The following EPS15 variants were observed in gnomAD, a reference collection of about 807,000 sequenced individuals.
EPS15 encodes epidermal growth factor receptor pathway substrate 15.
A neutral mutation model predicts 113.8 loss-of-function variants in EPS15; 72 were observed. The observed-to-expected ratio is 0.63, with a 90% CI of 0.52 to 0.77. The LOEUF (loss-of-function observed/expected upper bound fraction) is 0.77. Among genes scored for constraint, EPS15 ranks in the 30% least tolerant of loss-of-function variants. EPS15 has a pLI of 0.00. For synonymous variants in EPS15, 344 were observed against 363.4 expected, an observed-to-expected ratio of 0.95 and a Z score of 0.61; for missense variants, 1,048 against 1,045.8, an observed-to-expected ratio of 1.00 and a Z score of -0.03.
In EPS15 at chr1:51,429,347, CAA is replaced by C. The variant is rs531509808; in HGVS notation, c.1041-7491_1041-7490del. Among the ~76,000 whole-genome samples, 1,241 of 141,222 alleles carry C rather than the reference CAA, an allele frequency of 8.8e-3. 12 individuals are homozygous for C. Among genetic ancestry groups the C allele is most frequent in the African/African-American group, 0.031 (1,196 of 38,716 alleles). 92.6% of individuals were successfully genotyped at this position (141,222 alleles called of 152,430 possible). On this transcript the variant is annotated intron_variant, in intron 12 of 24. Coordinates refer to ENST00000371733, the MANE Select transcript of EPS15 (RefSeq NM_001981.3). ...ACAACAAAAGAGTGAAACTCTGTCT[CAA>C]AAAAAAAAAATTACCACTTTAAAAT...
intron 5 of EPS15, among the ~76,000 whole-genome samples, chr1:51,467,192 T>G (rs1020298839): frequency 5.9e-5 from 9 of 152,222 alleles, no homozygotes; most frequent in African/African-American, 2.2e-4. Flanking sequence ...CTAGCCAAAG[T>G]GTACAGAAAC....
chr1:51,490,059 G>A (rs1256091853), intron 1 of EPS15, among the ~76,000 whole-genome samples: 1 of 152,112 alleles, frequency 6.6e-6, no homozygotes, highest in East Asian at 1.9e-4. Flanking sequence ...AGTGTATCAA[G>A]TAGTAATAAA....
At position 51,468,538 on chromosome 1, in the gene EPS15, A is replaced by G. The variant is rs1655013992; in HGVS notation, c.244T>C (p.Cys82Arg). 2 of 1,613,682 alleles carry G rather than the reference A, an allele frequency of 1.2e-6. No individual in the cohort carries two copies. Among genetic ancestry groups the G allele is most frequent in the South Asian group, 1.1e-5 (1 of 91,020 alleles). Residue 82 changes from cysteine (C) to arginine (R), a missense_variant, in exon 5 of 25, where the codon TGT becomes CGT. Transcript: ENST00000371733. ...EFFVALRLVA[C>R]AQNGLEVSLS... ...GAAACTTCCAATCCATTCTGGGCAC[A>G]TGCCACAAGACGCAAAGCAACAAAG...
rs939553669 is a variant in EPS15 at position 51,421,662 on chromosome 1, A to G, written c.1113+124T>C. ...CATCTTGGAAAAGATAAACATTTAT[A>G]TAATATAAACATTAGGCATTCTCTT... On this transcript the variant is annotated intron_variant, in intron 13 of 24. Transcript: ENST00000371733. 2.3e-5 allele frequency: 11 copies of G among 477,560 alleles called. 1 individual carries two copies. In the Middle Eastern group the frequency reaches 1.3e-3, roughly 58 times the overall value. The allele number at this position is 477,560 out of a possible 1,614,324, so 29.6% of individuals were successfully genotyped here.
At chr1:51,399,009 C>T (rs764405189) in intron 20 of EPS15, 23 bp downstream of exon 20, 28 of 1,601,420 alleles carry the variant, frequency 1.7e-5, no homozygotes, top group Middle Eastern at 1.7e-4. Flanking sequence ...TTTAACTTAA[C>T]AGTTTTTAAT....
At chr1:51,457,105 G>A (rs1175578062) in intron 8 of EPS15, among the ~76,000 whole-genome samples, 3 of 152,028 alleles carry the variant, frequency 2.0e-5, no homozygotes, top group East Asian at 1.9e-4. Flanking sequence ...CAAACACAGT[G>A]AAACCCCGTC....
In EPS15 at chr1:51,500,437, G is replaced by A. The variant is rs138288755; in HGVS notation, c.33+18762C>T. ...TCTCATCAGTAGTACATTTCTCCAC[G>A]TCTTCATCAATATTTGCTAGTTACT... On this transcript the variant is annotated intron_variant, in intron 1 of 24. Coordinates refer to ENST00000371733, the MANE Select transcript of EPS15 (RefSeq NM_001981.3). Among the ~76,000 whole-genome samples the A allele has an allele frequency of 7.0e-3, 1,059 of 152,210 alleles. 7 individuals are homozygous for A. The highest frequency in any genetic ancestry group is 0.024 in the African/African-American group (1,014 of 41,518).
intron 8 of EPS15, among the ~76,000 whole-genome samples, chr1:51,454,040 A>C (rs1202507595): frequency 1.6e-5 from 2 of 128,282 alleles, no homozygotes; most frequent in Non-Finnish European, 3.3e-5. Flanking sequence ...ACAGAGTGAG[A>C]CTTTGTTTCA....
chr1:51,374,868 T>TA (rs1285697024), intron 21 of EPS15, among the ~76,000 whole-genome samples: 2 of 151,894 alleles, frequency 1.3e-5, no homozygotes, highest in African/African-American at 4.8e-5. Context: ...CATGCCCAGC[T>TA]AATTTTTGAA....
At chr1:51,483,582 C>T (rs1212394102) in intron 1 of EPS15, among the ~76,000 whole-genome samples, 3 of 151,490 alleles carry the variant, frequency 2.0e-5, no homozygotes, top group Non-Finnish European at 2.9e-5. Flanking sequence ...CCAAGGTGGG[C>T]GGATCACGAG....
intron 11 of EPS15, among the ~76,000 whole-genome samples, chr1:51,442,931 C>A (rs1254848260): frequency 1.3e-5 from 2 of 151,420 alleles, no homozygotes; most frequent in African/African-American, 4.9e-5. Flanking sequence ...AAGCAACATT[C>A]AAAAAAGGAT....
At chr1:51,512,946 T>G (rs1644651613) in intron 1 of EPS15, among the ~76,000 whole-genome samples, 1 of 149,780 alleles carries the variant, frequency 6.7e-6, no homozygotes, top group Non-Finnish European at 1.5e-5. Flanking sequence ...TAATCATAGC[T>G]CACCTGTAGC....
chr1:51,468,262 T>C (rs187977625), intron 5 of EPS15, among the ~76,000 whole-genome samples: 34 of 152,178 alleles, frequency 2.2e-4, no homozygotes, highest in African/African-American at 7.2e-4. Flanking sequence ...ACCCAGCCTA[T>C]AGTTTCTCAC....
At chr1:51,385,493 T>C (rs1272693481) in intron 21 of EPS15, among the ~76,000 whole-genome samples, 1 of 152,176 alleles carries the variant, frequency 6.6e-6, no homozygotes, top group African/African-American at 2.4e-5. Flanking sequence ...TGGAGAATAG[T>C]ATGATCATTT....
At chr1:51,516,618 A>G (rs2148573429) in intron 1 of EPS15, among the ~76,000 whole-genome samples, 1 of 152,320 alleles carries the variant, frequency 6.6e-6, no homozygotes, top group African/African-American at 2.4e-5. Context: ...GCATAAGCTA[A>G]AACATTTTTC....
At chr1:51,388,969 G>C (rs553269541) in intron 21 of EPS15, among the ~76,000 whole-genome samples, 1 of 152,314 alleles carries the variant, frequency 6.6e-6, no homozygotes, top group South Asian at 2.1e-4. Flanking sequence ...CTCATTTTAT[G>C]AGGCCAGCAT....
intron 20 of EPS15, among the ~76,000 whole-genome samples, chr1:51,397,601 G>C (rs1648082883): frequency 6.6e-6 from 1 of 152,124 alleles, no homozygotes; most frequent in Non-Finnish European, 1.5e-5. Flanking sequence ...AGTGCTATAG[G>C]AAAACAGAGT....
chr1:51,465,225 T>G (rs370205324), intron 6 of EPS15, 36 bp downstream of exon 6: 13 of 1,332,896 alleles, frequency 9.8e-6, no homozygotes, highest in African/African-American at 2.9e-5. Context: ...TAGGAAGCAA[T>G]GAAGGGGTGA....
Position 51,427,481 on chromosome 1 carries a change from A to G in EPS15, c.1041-5623T>C, listed in dbSNP as rs6681524. ...GGGTTGGGGATAAGAATATAAAGAG[A>G]TAATTACAATGCAGTGTACTAGGTG... On this transcript the variant is annotated intron_variant, in intron 12 of 24. Coordinates refer to ENST00000371733, the MANE Select transcript of EPS15 (RefSeq NM_001981.3). Among the ~76,000 whole-genome samples, 534 of 152,294 alleles carry G rather than the reference A, an allele frequency of 3.5e-3. 4 individuals are homozygous for G. Among genetic ancestry groups the G allele is most frequent in the African/African-American group, 0.012 (511 of 41,562 alleles).
Sources: gnomAD v4.1 joint callset for allele counts (sites outside exome capture counted in the v4.1 genomes callset) on GRCh38, gnomAD v4.1.1 for gene constraint, MANE v1.5 for transcripts, NCBI Gene and HGNC (gene_info 2026-07-23, HGNC 2026-07-21) for gene names.